SAMD12: variants seen among roughly 807,000 people sequenced by gnomAD.
The protein encoded by SAMD12 is sterile alpha motif domain containing 12, also known as sterile alpha motif domain-containing protein 12.
In SAMD12, 9 loss-of-function variants were observed where a neutral mutation model predicts 15.0. The ratio of observed to expected loss-of-function variants is 0.60; its 90% confidence interval spans 0.36 to 1.05. The LOEUF is 1.05. SAMD12 is among the 50% of genes least tolerant of loss of function. SAMD12 has a pLI of 0.01. For synonymous variants in SAMD12, 86 were observed against 90.1 expected (o/e 0.96, Z 0.25); for missense variants, 230 against 234.2 (o/e 0.98, Z 0.12).
At chr8:118,551,142 C>A (rs1217960506) in intron 2 of SAMD12, among the ~76,000 whole-genome samples, 2 of 152,078 alleles carry the variant, frequency 1.3e-5, no homozygotes, top group Non-Finnish European at 2.9e-5. Flanking sequence ...ACAAGGATAC[C>A]CAGGAATGGA....
intron 4 of SAMD12, among the ~76,000 whole-genome samples, chr8:118,203,607 ATACTTT>A (rs1451380654): frequency 1.3e-5 from 2 of 151,732 alleles, no homozygotes; most frequent in African/African-American, 2.4e-5. Context: ...TATTATTATT[ATACTTT>A]AAGTTCTAGG....
At chr8:118,213,346 C>T (rs903670071) in intron 4 of SAMD12, among the ~76,000 whole-genome samples, 3 of 152,166 alleles carry the variant, frequency 2.0e-5, no homozygotes, top group Admixed American at 2.0e-4. Flanking sequence ...GTTTCTTCCT[C>T]CTTTGAACCT....
chr8:118,252,018 G>T lies in SAMD12; in HGVS notation c.434-54286C>A, dbSNP rs112715097. ...TTCCTTTTACATTCTCCTCTCTGAAGTTTCCTAGTCAGGCTCTGCCTGGGT... is the reference window on the plus strand; with the variant it reads ...TTCCTTTTACATTCTCCTCTCTGAATTTTCCTAGTCAGGCTCTGCCTGGGT... On this transcript the variant is annotated intron_variant, in intron 4 of 4. Coordinates refer to the SAMD12 transcript ENST00000409003. Among the ~76,000 whole-genome samples the T allele has an allele frequency of 4.8e-3, 733 of 152,262 alleles. 6 individuals carry two copies. Among genetic ancestry groups the T allele is most frequent in the African/African-American group, 0.017 (694 of 41,574 alleles).
chr8:118,188,457 C>T (rs1201559912), downstream of SAMD12, among the ~76,000 whole-genome samples: 5 of 152,116 alleles, frequency 3.3e-5, no homozygotes, highest in East Asian at 7.7e-4. Flanking sequence ...GTAAGCTAAC[C>T]TAAAAGGTTA....
At chr8:118,364,071 C>T (rs571802260) in intron 4 of SAMD12, among the ~76,000 whole-genome samples, 104 of 152,266 alleles carry the variant, frequency 6.8e-4, no homozygotes, top group African/African-American at 2.9e-4. Flanking sequence ...TTAATGGTTT[C>T]CAATACGAAT....
At chr8:118,424,961 CAG>C (rs1822177953) in intron 3 of SAMD12, among the ~76,000 whole-genome samples, 1 of 144,272 alleles carries the variant, frequency 6.9e-6, no homozygotes, top group South Asian at 2.2e-4. Context: ...TTTTTTGAGA[CAG>C]AGTCTTGCTC....
chr8:118,510,744 C>A (rs1415097868), intron 2 of SAMD12, among the ~76,000 whole-genome samples: 1 of 152,154 alleles, frequency 6.6e-6, no homozygotes, highest in Non-Finnish European at 1.5e-5. Flanking sequence ...CTCTCTACCC[C>A]CTCAAAATGC....
chr8:118,337,289 T>C (rs1817129711), intron 4 of SAMD12, among the ~76,000 whole-genome samples: 1 of 152,146 alleles, frequency 6.6e-6, no homozygotes, highest in South Asian at 2.1e-4. Flanking sequence ...CAGTAATCCA[T>C]GTCACACGCC....
Position 118,404,438 on chromosome 8 carries a change from C to T in SAMD12, c.323-24738G>A, listed in dbSNP as rs192116041. Among the ~76,000 whole-genome samples the T allele has an allele frequency of 1.1e-3, 169 of 152,286 alleles. 1 individual carries two copies. The East Asian group carries it at 0.025, about 22-fold the overall frequency. On this transcript the variant is annotated intron_variant, in intron 3 of 3. Coordinates refer to ENST00000314727, the MANE Select transcript of SAMD12 (RefSeq NM_207506.3). ...TTTTTTCCATCTGGAATTCCAATTA[C>T]CCATATGCTAGACCATTTGATGTGA...
At chr8:118,317,397 T>C (rs1261474365) in intron 4 of SAMD12, among the ~76,000 whole-genome samples, 1 of 152,182 alleles carries the variant, frequency 6.6e-6, no homozygotes, top group African/African-American at 2.4e-5. Flanking sequence ...ATACGAGAAT[T>C]ATGGAATGCA....
At chr8:118,441,455 G>T (rs1053322043) in intron 2 of SAMD12, among the ~76,000 whole-genome samples, 3 of 149,246 alleles carry the variant, frequency 2.0e-5, no homozygotes, top group Admixed American at 2.0e-4. Context: ...ATGCTCAGGT[G>T]TTTTTTTTTT....
At position 118,292,795 on chromosome 8, in the gene SAMD12, G is replaced by A. The variant is rs569418857; in HGVS notation, c.433+86765C>T. ...AAATCATCATTCTCAGTAAACTATCGCAAGAACAAAAAACCAAACACCACA... is the reference window on the plus strand; with the variant it reads ...AAATCATCATTCTCAGTAAACTATCACAAGAACAAAAAACCAAACACCACA... On this transcript the variant is annotated intron_variant, in intron 4 of 4. Coordinates refer to the SAMD12 transcript ENST00000409003. Among the ~76,000 whole-genome samples the A allele has an allele frequency of 4.3e-4, 65 of 150,932 alleles. 1 individual carries two copies. The highest frequency in any genetic ancestry group is 3.4e-3 in the Middle Eastern group (1 of 292).
chr8:118,183,617 C>T, the SAMD12 span, among the ~76,000 whole-genome samples: 1 of 152,094 alleles, frequency 6.6e-6, no homozygotes, highest in Non-Finnish European at 1.5e-5. Context: ...ATAATTGAAT[C>T]CCTTTAAGCC....
At chr8:118,243,330 G>A (rs1040718770) in intron 4 of SAMD12, among the ~76,000 whole-genome samples, 1 of 152,004 alleles carries the variant, frequency 6.6e-6, no homozygotes, top group Non-Finnish European at 1.5e-5. Context: ...TTGAAAACAA[G>A]GAGGGGAAAA....
At chr8:118,207,151 T>C (rs1819883374) in intron 4 of SAMD12, among the ~76,000 whole-genome samples, 1 of 152,256 alleles carries the variant, frequency 6.6e-6, no homozygotes, top group African/African-American at 2.4e-5. Context: ...TCATTTAGGA[T>C]ATCTATTAAC....
chr8:118,491,887 G>T (rs908835977), intron 2 of SAMD12, among the ~76,000 whole-genome samples: 1 of 152,146 alleles, frequency 6.6e-6, no homozygotes, highest in Non-Finnish European at 1.5e-5. Flanking sequence ...GGAGCATTAT[G>T]AAGAAAGCGG....
At chr8:118,328,339 T>C (rs1294996018) in intron 4 of SAMD12, among the ~76,000 whole-genome samples, 1 of 152,210 alleles carries the variant, frequency 6.6e-6, no homozygotes, top group African/African-American at 2.4e-5. Flanking sequence ...TACACTGCTA[T>C]TCTCCCTGCT....
At chr8:118,467,305 T>C (rs542057765) in intron 2 of SAMD12, among the ~76,000 whole-genome samples, 1 of 152,346 alleles carries the variant, frequency 6.6e-6, no homozygotes, top group African/African-American at 2.4e-5. Flanking sequence ...ATGCCTCTGT[T>C]ACCTTTGTAA....
At chr8:118,484,388 G>C (rs1326804524) in intron 2 of SAMD12, among the ~76,000 whole-genome samples, 1 of 152,080 alleles carries the variant, frequency 6.6e-6, no homozygotes, top group African/African-American at 2.4e-5. Context: ...ACACTGCACT[G>C]TATACTTAAA....
Sources: gnomAD v4.1 joint callset for allele counts (sites outside exome capture counted in the v4.1 genomes callset) on GRCh38, gnomAD v4.1.1 for gene constraint, MANE v1.5 for transcripts, NCBI Gene and HGNC (gene_info 2026-07-23, HGNC 2026-07-21) for gene names.